SH2D7: variants seen among roughly 807,000 people sequenced by gnomAD.
SH2D7 encodes SH2 domain containing 7, also known as SH2 domain-containing protein 7.
SH2D7 carries 32 observed loss-of-function variants against 40.8 expected under a neutral mutation model. The observed-to-expected ratio is 0.78, with a 90% CI of 0.59 to 1.05. SH2D7 has a LOEUF of 1.05. SH2D7 is among the 50% of genes least tolerant of loss of function. The pLI is 0.00. For synonymous variants in SH2D7, 195 were observed against 221.5 expected (o/e 0.88, Z 1.06); for missense variants, 559 against 566.6 (o/e 0.99, Z 0.14).
At chr15:78,100,046 C>G (rs964327932) in intron 4 of SH2D7, among the ~76,000 whole-genome samples, 1 of 152,242 alleles carries the variant, frequency 6.6e-6, no homozygotes, top group Non-Finnish European at 1.5e-5. Flanking sequence ...ATCATGCCCC[C>G]ACACTCCATT....
Position 78,102,930 on chromosome 15 carries a change from G to A in SH2D7, c.1306-535G>A, listed in dbSNP as rs192961934. Among the ~76,000 whole-genome samples, 158 of 152,302 alleles carry A rather than the reference G, an allele frequency of 1.0e-3. No individual in the cohort carries two copies. In the Middle Eastern group the frequency reaches 0.014, roughly 13 times the overall value. On this transcript the variant is annotated intron_variant, in intron 5 of 5. Transcript: ENST00000328828. Reference sequence around the variant, plus strand: ...TGGTGGAAAGATCTTCCTGGGAAGTGCTGACGGCTCCTCCCTCAGGGCAGG... The same window carrying A: ...TGGTGGAAAGATCTTCCTGGGAAGTACTGACGGCTCCTCCCTCAGGGCAGG...
At chr15:78,092,130 A>C (rs2073943557), upstream of SH2D7, among the ~76,000 whole-genome samples, 2 of 152,256 alleles carry the variant, frequency 1.3e-5, no homozygotes, top group Admixed American at 1.3e-4. Flanking sequence ...AGTGGATGGA[A>C]GACTTGGTTA....
Position 78,098,404 on chromosome 15 carries a change from T to A in SH2D7, c.453T>A (p.Tyr151Ter). ...ACPRPEDNDL[Y>*]DAITRGLHQT... ...CCCAGCCAGAGGACAATGATCTGTA[T>A]GATGCCATCACCCGGGGCCTCCACC... Residue 151 changes from tyrosine (Y) to a stop codon, truncating the protein, a stop_gained, in exon 4 of 6, where the codon TAT (tyrosine) becomes TAA (stop). Transcript: ENST00000328828. LOFTEE classifies it high-confidence loss of function. The A allele has an allele frequency of 6.2e-7, 1 of 1,613,706 alleles. No individual in the cohort carries two copies. Among genetic ancestry groups the A allele is most frequent in the Non-Finnish European group, 8.5e-7 (1 of 1,179,874 alleles).
intron 5 of SH2D7, among the ~76,000 whole-genome samples, chr15:78,102,821 G>A (rs1323553389): frequency 6.6e-6 from 1 of 152,088 alleles, no homozygotes; most frequent in Non-Finnish European, 1.5e-5. Flanking sequence ...TATACCCAGA[G>A]ACAATAAAAC....
intron 2 of SH2D7, among the ~76,000 whole-genome samples, chr15:78,094,857 T>A (rs1596339744): frequency 6.6e-6 from 1 of 151,886 alleles, no homozygotes. Context: ...TAGGCTAGGG[T>A]AAGACAGTGG....
chr15:78,097,781 T>A, intron 2 of SH2D7, 148 bp from the exon 3 acceptor site: 4 of 920,182 alleles, frequency 4.3e-6, no homozygotes, highest in Non-Finnish European at 6.4e-6. Context: ...TGGCTCCAAG[T>A]GGGGTACAGT....
chr15:78,100,868 C>T, intron 4 of SH2D7, 31 bp from the exon 5 acceptor site: 1 of 1,604,254 alleles, frequency 6.2e-7, no homozygotes. Context: ...TGGGCTGCCC[C>T]TTAAGAGTTT....
At chr15:78,098,358 T>C in intron 3 of SH2D7, 26 bp from the exon 4 acceptor site, 1 of 1,610,478 alleles carries the variant, frequency 6.2e-7, no homozygotes, top group Non-Finnish European at 8.5e-7. Flanking sequence ...TGTGACCACA[T>C]ACCTGCCGTA....
At chr15:78,097,052 G>GA (rs554286654) in intron 2 of SH2D7, among the ~76,000 whole-genome samples, 8 of 151,712 alleles carry the variant, frequency 5.3e-5, no homozygotes, top group Non-Finnish European at 2.9e-5. Context: ...ATATAAATGA[G>GA]AAAAAAAAGA....
intron 1 of SH2D7, 123 bp downstream of exon 1, chr15:78,092,883 G>A: frequency 8.0e-7 from 1 of 1,246,270 alleles, no homozygotes. Flanking sequence ...GGGGCCCTTG[G>A]AGGCGGGGGG....
At chr15:78,101,836 C>A (rs1037676605) in intron 5 of SH2D7, among the ~76,000 whole-genome samples, 1 of 152,204 alleles carries the variant, frequency 6.6e-6, no homozygotes, top group African/African-American at 2.4e-5. Flanking sequence ...TCAGCCTCTG[C>A]AGGGGTCTTA....
chr15:78,092,534 T>C (rs1004683309), upstream of SH2D7: 4 of 1,514,910 alleles, frequency 2.6e-6, no homozygotes, highest in African/African-American at 1.4e-5. Context: ...CACGCAGATA[T>C]AGAGGCATGT....
At chr15:78,094,320 A>G in intron 2 of SH2D7, 119 bp downstream of exon 2, 2 of 835,934 alleles carry the variant, frequency 2.4e-6, no homozygotes, top group East Asian at 2.7e-5. Flanking sequence ...TGACTCCTGA[A>G]TCCCTCAATC....
At chr15:78,100,696 CAAAAAACAAACAA>C (rs773983058) in intron 4 of SH2D7, among the ~76,000 whole-genome samples, 190 bp from the exon 5 acceptor site, 5 of 152,026 alleles carry the variant, frequency 3.3e-5, no homozygotes, top group Non-Finnish European at 2.9e-5. Context: ...GACTCCATCT[CAAAAAACAAACAA>C]AAAAAAGAAC....
At chr15:78,090,197 A>C (rs1043559281), upstream of SH2D7, among the ~76,000 whole-genome samples, 1 of 152,160 alleles carries the variant, frequency 6.6e-6, no homozygotes, top group African/African-American at 2.4e-5. Context: ...GAAAGAGCTC[A>C]GGAGATCAAG....
chr15:78,095,759 T>A (rs2073967510), intron 2 of SH2D7, among the ~76,000 whole-genome samples: 1 of 152,336 alleles, frequency 6.6e-6, no homozygotes, highest in African/African-American at 2.4e-5. Flanking sequence ...CAAGTTTTTT[T>A]AAACAGGACA....
At chr15:78,096,756 C>T (rs1262922231) in intron 2 of SH2D7, among the ~76,000 whole-genome samples, 1 of 152,030 alleles carries the variant, frequency 6.6e-6, no homozygotes, top group Non-Finnish European at 1.5e-5. Flanking sequence ...CTGCCTCGGC[C>T]CCTCAAAGTG....
chr15:78,095,177 G>A (rs1321481621), intron 2 of SH2D7, among the ~76,000 whole-genome samples: 2 of 152,320 alleles, frequency 1.3e-5, no homozygotes, highest in South Asian at 2.1e-4. Flanking sequence ...TGATGAAAGT[G>A]TGCAATCAGT....
intron 1 of SH2D7, among the ~76,000 whole-genome samples, chr15:78,093,467 C>T (rs1357990467): frequency 3.3e-5 from 5 of 152,204 alleles, no homozygotes; most frequent in Non-Finnish European, 4.4e-5. Context: ...AACAGGCGCT[C>T]GGTATTTGGT....
Sources: gnomAD v4.1 joint callset for allele counts (sites outside exome capture counted in the v4.1 genomes callset) on GRCh38, gnomAD v4.1.1 for gene constraint, MANE v1.5 for transcripts, NCBI Gene and HGNC (gene_info 2026-07-23, HGNC 2026-07-21) for gene names.